SLC9A2: variants seen among roughly 807,000 people sequenced by gnomAD.
The protein encoded by SLC9A2 is solute carrier family 9 member A2.
SLC9A2 carries 42 observed loss-of-function variants against 71.7 expected under a neutral mutation model. That is an observed-to-expected ratio of 0.59 (90% confidence interval 0.46 to 0.76). The LOEUF is 0.76. Ranked by LOEUF, SLC9A2 falls within the 30% of genes least tolerant of loss-of-function variation. The pLI is 0.00. For synonymous variants in SLC9A2, 396 were observed against 392.5 expected, an observed-to-expected ratio of 1.01 and a Z score of -0.10; for missense variants, 829 against 1,017.4, an observed-to-expected ratio of 0.81 and a Z score of 2.52.
At chr2:102,704,074 T>G (rs921026739) in intron 9 of SLC9A2, among the ~76,000 whole-genome samples, 5 of 152,212 alleles carry the variant, frequency 3.3e-5, no homozygotes, top group Non-Finnish European at 7.3e-5. Flanking sequence ...GGCTTCAAGG[T>G]AGACATGGCA....
chr2:102,652,427 A>T (rs938663287), intron 1 of SLC9A2, among the ~76,000 whole-genome samples: 22 of 152,022 alleles, frequency 1.4e-4, no homozygotes, highest in African/African-American at 5.3e-4. Context: ...CCTCTTTCCC[A>T]TGGCGCCCAG....
chr2:102,702,555 CCTTCTG>C, intron 9 of SLC9A2, 53 bp downstream of exon 9: 1 of 1,106,152 alleles, frequency 9.0e-7, no homozygotes, highest in Non-Finnish European at 1.4e-6. Flanking sequence ...TAACAGGATG[CCTTCTG>C]GTTTTGTGCT....
intron 3 of SLC9A2, among the ~76,000 whole-genome samples, chr2:102,675,321 G>A (rs1677328562): frequency 6.6e-6 from 1 of 152,166 alleles, no homozygotes. Context: ...AGAAGGAGGG[G>A]TCCCTGGTCT....
At chr2:102,702,269 T>C in intron 8 of SLC9A2, 137 bp from the exon 9 acceptor site, 1 of 553,592 alleles carries the variant, frequency 1.8e-6, no homozygotes, top group South Asian at 2.6e-5. Flanking sequence ...TTGGAATTAT[T>C]TTAAGTTATT....
Position 102,710,872 on chromosome 2 carries a change from G to T in SLC9A2, c.*2383G>T, listed in dbSNP as rs1434309061. 1 of 152,274 alleles carries T rather than the reference G, an allele frequency of 6.6e-6. No homozygotes were observed. Among genetic ancestry groups the T allele is most frequent in the East Asian group, 1.9e-4 (1 of 5,326 alleles). The allele number at this position is 152,274 out of a possible 1,614,324, so 9.4% of individuals were successfully genotyped here. A position where few individuals can be genotyped will look rare whatever the true frequency, so the allele number is the denominator to read the frequency against. On this transcript the variant is annotated 3_prime_UTR_variant, in exon 12 of 12. Coordinates refer to ENST00000233969, the MANE Select transcript of SLC9A2 (RefSeq NM_003048.6). Reference sequence around the variant, plus strand: ...CCAATGTGACTGTGGATCTTTGATAGGTCTTTGGTGTTGGTTGTAACAAAA... The same window carrying T: ...CCAATGTGACTGTGGATCTTTGATATGTCTTTGGTGTTGGTTGTAACAAAA...
chr2:102,641,351 T>C (rs1236522097), intron 1 of SLC9A2, among the ~76,000 whole-genome samples: 3 of 152,090 alleles, frequency 2.0e-5, no homozygotes, highest in Non-Finnish European at 2.9e-5. Flanking sequence ...CATGGCCTTA[T>C]GGTAAATCCA....
chr2:102,669,016 G>A (rs1410779392), intron 3 of SLC9A2, among the ~76,000 whole-genome samples: 3 of 152,160 alleles, frequency 2.0e-5, no homozygotes, highest in Non-Finnish European at 2.9e-5. Flanking sequence ...ATGCAAGGAC[G>A]CTTTTAGAGG....
Position 102,708,412 on chromosome 2 carries a change from A to G in SLC9A2, c.2362A>G (p.Lys788Glu), listed in dbSNP as rs1050377778. Residue 788 changes from lysine (K) to glutamate (E), a missense_variant, in exon 12 of 12, where the codon AAG becomes GAG. By Grantham distance (56) the Lys-to-Glu change is moderately conservative. Around this residue, in one of 3 missense-constraint regions of SLC9A2, gnomAD observed 223 missense variants for 197.5 expected, o/e 1.13. Coordinates refer to ENST00000233969, the MANE Select transcript of SLC9A2 (RefSeq NM_003048.6). ...CAGTTTGACTGAAGGCATCCCGCCC[A>G]AGCCGCCACCACGGCTGGTCTGGAG... ...EDSLTEGIPPKPPPRLVWRAS... is the reference protein window; with the variant it reads ...EDSLTEGIPPEPPPRLVWRAS... 1.2e-6 allele frequency: 2 copies of G among 1,614,208 alleles called. No individual in the cohort carries two copies. The highest frequency in any genetic ancestry group is 1.3e-5 in the African/African-American group (1 of 75,064).
intron 1 of SLC9A2, among the ~76,000 whole-genome samples, chr2:102,627,566 A>C (rs1676273906): frequency 6.6e-6 from 1 of 152,098 alleles, no homozygotes; most frequent in Non-Finnish European, 1.5e-5. Flanking sequence ...AAAGATCTCC[A>C]CTTTATATGC....
chr2:102,636,448 T>C (rs1483245307), intron 1 of SLC9A2, among the ~76,000 whole-genome samples: 2 of 152,228 alleles, frequency 1.3e-5, no homozygotes, highest in African/African-American at 4.8e-5. Context: ...GTTCCTTCAC[T>C]ATACTTTGAT....
chr2:102,681,196 G>A (rs1677446898), intron 3 of SLC9A2, among the ~76,000 whole-genome samples: 1 of 152,168 alleles, frequency 6.6e-6, no homozygotes, highest in Admixed American at 6.5e-5. Flanking sequence ...GAGATCGTAG[G>A]GCTCATTAAG....
intron 3 of SLC9A2, among the ~76,000 whole-genome samples, chr2:102,676,413 C>T (rs1005009397): frequency 1.3e-5 from 2 of 152,082 alleles, no homozygotes; most frequent in African/African-American, 4.8e-5. Flanking sequence ...GCTTTAGGTG[C>T]CAATAAGTGA....
intron 3 of SLC9A2, among the ~76,000 whole-genome samples, chr2:102,680,186 A>T (rs1486425388): frequency 5.9e-5 from 9 of 152,106 alleles, no homozygotes; most frequent in African/African-American, 2.2e-4. Context: ...TGAAGTACCT[A>T]AAAAAGCAAC....
intron 3 of SLC9A2, among the ~76,000 whole-genome samples, chr2:102,678,391 C>A (rs989658713): frequency 6.6e-6 from 1 of 150,534 alleles, no homozygotes; most frequent in Non-Finnish European, 1.5e-5. Flanking sequence ...AATTCAATGA[C>A]ATGAGCTAAT....
chr2:102,690,312 C>T (rs79217704), intron 5 of SLC9A2, among the ~76,000 whole-genome samples: 2,023 of 152,076 alleles, frequency 0.013, 44 homozygotes, highest in African/African-American at 0.045. Context: ...GTAGTGACGC[C>T]GTGATGAGTG....
At chr2:102,656,793 C>T (rs758604136) in intron 1 of SLC9A2, among the ~76,000 whole-genome samples, 2 of 152,144 alleles carry the variant, frequency 1.3e-5, no homozygotes, top group Non-Finnish European at 1.5e-5. Context: ...AGCTTCAATT[C>T]CCGCTTAAAT....
rs1276266721 is a variant in SLC9A2 at position 102,685,101 on chromosome 2, C to A, written c.1425+765C>A. 2.0e-5 allele frequency among the ~76,000 whole-genome samples: 3 copies of A among 152,170 alleles called. No homozygotes were observed. The East Asian group carries it at 5.8e-4, about 29-fold the overall frequency. The stretch of plus-strand genomic sequence containing the variant: ...CGTGGGGGAAATGTTACAATTCCAA[C>A]ATCAAATGGTCATGAAAGGGAACAG... On this transcript the variant is annotated intron_variant, in intron 5 of 11. Coordinates refer to ENST00000233969, the MANE Select transcript of SLC9A2 (RefSeq NM_003048.6).
At chr2:102,675,673 AAC>A (rs1244163437) in intron 3 of SLC9A2, among the ~76,000 whole-genome samples, 2 of 152,198 alleles carry the variant, frequency 1.3e-5, no homozygotes, top group Non-Finnish European at 1.5e-5. Context: ...TAGGCAAGAG[AAC>A]ACAGAGACCT....
At chr2:102,636,515 G>T (rs1676471174) in intron 1 of SLC9A2, among the ~76,000 whole-genome samples, 1 of 152,170 alleles carries the variant, frequency 6.6e-6, no homozygotes, top group Non-Finnish European at 1.5e-5. Flanking sequence ...TGAAGGAAAA[G>T]AAACCAGAAA....
Sources: allele counts gnomAD v4.1 joint callset (sites outside exome capture counted in the v4.1 genomes callset), GRCh38; gene constraint gnomAD v4.1.1; regional missense constraint gnomAD v4.1.1; transcripts MANE v1.5; gene names NCBI Gene and HGNC (gene_info 2026-07-23, HGNC 2026-07-21).